LAT2: variants seen among roughly 807,000 people sequenced by gnomAD.
LAT2 encodes the protein linker for activation of T cells family member 2, also known as linker for activation of T-cells family member 2.
A neutral mutation model predicts 43.4 loss-of-function variants in LAT2; 23 were observed. The ratio of observed to expected loss-of-function variants is 0.53; its 90% CI spans 0.38 to 0.75. The LOEUF is 0.75. Among genes scored for constraint, LAT2 ranks in the 30% least tolerant of loss-of-function variants. The probability of loss-of-function intolerance (pLI) is 0.00; values close to 1 mark genes in which losing one functional copy is unlikely to be tolerated. For missense variants in LAT2, 284 were observed against 310.2 expected (o/e 0.92, Z 0.64); for synonymous variants, 128 against 123.2 (o/e 1.04, Z -0.26).
intron 11 of LAT2, 73 bp from the exon 12 acceptor site, chr7:74,223,945 C>T (rs556938978): frequency 2.6e-5 from 40 of 1,526,536 alleles, no homozygotes; most frequent in Admixed American, 5.6e-5. Flanking sequence ...CTACTATCCT[C>T]GGAGGCAGCT....
chr7:74,219,973 A>G lies in LAT2; in HGVS notation c.192A>G (p.Ala64=), dbSNP rs782747201. 3 of 1,613,640 alleles carry G rather than the reference A, an allele frequency of 1.9e-6. No individual in the cohort carries two copies. In the Admixed American group the frequency reaches 5.0e-5, roughly 27 times the overall value. The stretch of plus-strand genomic sequence containing the variant: ...TGCCCTTTGTAGTGGTCGGGCAGGC[A>G]TGGCCAGGACCCCTGGCGGACATGG... ...GSRTYSLVGQ[A]WPGPLADMAP... The change falls in exon 6 of 14, where the codon GCA becomes GCG. Residue 64 remains alanine, a synonymous_variant. Transcript: ENST00000460943.
At chr7:74,214,143 TATATATAAATATATATATGAAA>T (rs1801858859) in intron 1 of LAT2, among the ~76,000 whole-genome samples, 1 of 100,556 alleles carries the variant, frequency 9.9e-6, no homozygotes, top group African/African-American at 4.8e-5. Flanking sequence ...TATATGAAAA[TATATATAAATATATATATGAAA>T]ATATATATAT....
intron 1 of LAT2, among the ~76,000 whole-genome samples, chr7:74,213,216 T>C (rs946072512): frequency 6.6e-6 from 1 of 151,688 alleles, no homozygotes; most frequent in Non-Finnish European, 1.5e-5. Context: ...CCTCCTTGGT[T>C]CAAGCAATTC....
intron 4 of LAT2, among the ~76,000 whole-genome samples, chr7:74,219,512 C>G (rs1027359225): frequency 5.3e-5 from 8 of 152,218 alleles, no homozygotes; most frequent in Middle Eastern, 3.2e-3. Flanking sequence ...CGGGCTCCAG[C>G]CCAGGGCCCT....
Position 74,220,100 on chromosome 7 carries a change from G to C in LAT2, c.227+92G>C. ...GGTCAAGACCTCCCTCCCTCCCCGA[G>C]TCCCAGAGCTCCAGGGCTCAGCTAT... On this transcript the variant is annotated intron_variant, in intron 6 of 13. Transcript: ENST00000460943. This position sits in a 1 kb window ranked among gnomAD's most constrained non-coding sequence, Gnocchi z 4.5. 6.4e-7 allele frequency: 1 copy of C among 1,567,752 alleles called. No individual in the cohort carries two copies. Among genetic ancestry groups the C allele is most frequent in the Non-Finnish European group, 8.7e-7 (1 of 1,148,172 alleles).
In LAT2 at chr7:74,216,047, G is replaced by A; in HGVS notation, c.72G>A (p.Leu24=). ...TGCTGTTGGGGGTGGCAGCCAGTCT[G>A]TGTGTGCGCTGCTCACGCCCAGGTA... ...LLVLLGVAAS[L]CVRCSRPGAK... Residue 24 remains leucine (L), a synonymous_variant, in exon 3 of 14, where the codon CTG becomes CTA. Coordinates refer to ENST00000460943, the MANE Select transcript of LAT2 (RefSeq NM_032464.3). 6.2e-7 allele frequency: 1 copy of A among 1,613,162 alleles called. No individual in the cohort carries two copies. Among genetic ancestry groups the A allele is most frequent in the East Asian group, 2.2e-5 (1 of 44,872 alleles).
At chr7:74,218,186 G>A (rs1802112698) in intron 4 of LAT2, among the ~76,000 whole-genome samples, 1 of 152,184 alleles carries the variant, frequency 6.6e-6, no homozygotes. Flanking sequence ...CTCTCCATCT[G>A]TCACCTCGGT....
chr7:74,220,043 A>G lies in LAT2; in HGVS notation c.227+35A>G, dbSNP rs373386828. Reference sequence around the variant, plus strand: ...AGTCCCCCAGGAAGTGACAAGAATGAAAGTCCTGGAGGTCCTCACCTGGTG... The same window carrying G: ...AGTCCCCCAGGAAGTGACAAGAATGGAAGTCCTGGAGGTCCTCACCTGGTG... On this transcript the variant is annotated intron_variant, in intron 6 of 13. Transcript: ENST00000460943. This position sits in a 1 kb window ranked among gnomAD's most constrained non-coding sequence, Gnocchi z 4.5. The G allele has an allele frequency of 2.5e-5, 41 of 1,610,200 alleles. No individual in the cohort carries two copies. Among genetic ancestry groups the G allele is most frequent in the Non-Finnish European group, 3.3e-5 (39 of 1,178,006 alleles).
At chr7:74,210,403 CTCGG>C (rs1397466530) in intron 1 of LAT2, among the ~76,000 whole-genome samples, 8 of 152,312 alleles carry the variant, frequency 5.3e-5, no homozygotes, top group African/African-American at 1.9e-4. Flanking sequence ...GCCTGGGAGC[CTCGG>C]TTTCCTCATC....
rs782342619 is a variant in LAT2, at chr7:74,219,950, C to A, written c.179-10C>A. 1.2e-6 allele frequency: 2 copies of A among 1,613,404 alleles called. No individual in the cohort carries two copies. On this transcript the variant is annotated splice_polypyrimidine_tract_variant and intron_variant, in intron 5 of 13. Coordinates refer to ENST00000460943, the MANE Select transcript of LAT2 (RefSeq NM_032464.3). The stretch of plus-strand genomic sequence containing the variant: ...GGCCCAGCCAACACCCCACTTCTTG[C>A]CCTTTGTAGTGGTCGGGCAGGCATG...
At chr7:74,221,831 G>A in intron 10 of LAT2, 139 bp downstream of exon 10, 1 of 663,076 alleles carries the variant, frequency 1.5e-6, no homozygotes, top group Admixed American at 2.8e-5. Context: ...GAAGGAGGCT[G>A]GTGCTGCAGG....
intron 4 of LAT2, among the ~76,000 whole-genome samples, chr7:74,217,289 G>A (rs1282947757): frequency 1.3e-5 from 2 of 152,040 alleles, no homozygotes; most frequent in Admixed American, 1.3e-4. Context: ...AAATGAGCTG[G>A]GCGTGGTGGT....
chr7:74,211,582 C>T (rs781550550), intron 1 of LAT2, among the ~76,000 whole-genome samples: 9 of 152,046 alleles, frequency 5.9e-5, no homozygotes, highest in East Asian at 1.9e-4. Context: ...CTCAGCCTCC[C>T]GAGTAGCTGA....
At chr7:74,218,439 A>G (rs782577228) in intron 4 of LAT2, among the ~76,000 whole-genome samples, 2 of 152,196 alleles carry the variant, frequency 1.3e-5, no homozygotes, top group Non-Finnish European at 2.9e-5. Context: ...CCACTCCATT[A>G]TCTGTAATGG....
intron 3 of LAT2, among the ~76,000 whole-genome samples, chr7:74,216,504 T>C (rs1280858110): frequency 2.0e-5 from 3 of 152,154 alleles, no homozygotes; most frequent in African/African-American, 7.2e-5. Flanking sequence ...CCTGAGTAGC[T>C]GGGACTACAG....
chr7:74,211,135 C>T (rs1036877046), intron 1 of LAT2, among the ~76,000 whole-genome samples: 1 of 152,256 alleles, frequency 6.6e-6, no homozygotes, highest in Non-Finnish European at 1.5e-5. Context: ...CACTCCCCAC[C>T]CCGCCCAGCC....
At chr7:74,219,009 C>CTTTTTTTTTTT (rs781806954) in intron 4 of LAT2, among the ~76,000 whole-genome samples, 1 of 48,804 alleles carries the variant, frequency 2.0e-5, no homozygotes, top group Non-Finnish European at 3.9e-5. Flanking sequence ...AGAGTGTGTG[C>CTTTTTTTTTTT]TTTTTTTTTT....
In LAT2 at chr7:74,229,388, A is replaced by G. The variant is rs1554716533; in HGVS notation, c.*463A>G. 1 of 152,672 alleles carries G rather than the reference A, an allele frequency of 6.5e-6. No individual in the cohort carries two copies. The highest frequency in any genetic ancestry group is 2.4e-5 in the African/African-American group (1 of 41,460). 9.5% of individuals were successfully genotyped at this position (152,672 alleles called of 1,614,324 possible). A position where few individuals can be genotyped will look rare whatever the true frequency, so the allele number is the denominator to read the frequency against. ...AGTTAACTTATAGAGGGGGAGCCAT[A>G]TTTAACATTCTGGATTTCAGAGTAG... On this transcript the variant is annotated 3_prime_UTR_variant, in exon 14 of 14. Coordinates refer to ENST00000460943, the MANE Select transcript of LAT2 (RefSeq NM_032464.3).
chr7:74,218,681 A>C (rs142996042), intron 4 of LAT2, among the ~76,000 whole-genome samples: 167 of 152,276 alleles, frequency 1.1e-3, no homozygotes, highest in African/African-American at 3.8e-3. Flanking sequence ...GAAGGCTAGG[A>C]ATAGTCTATT....
Sources: gnomAD v4.1 joint callset for allele counts (sites outside exome capture counted in the v4.1 genomes callset) on GRCh38, gnomAD v4.1.1 for gene constraint, Gnocchi (gnomAD v3.1) non-coding constraint, MANE v1.5 for transcripts, NCBI Gene and HGNC (gene_info 2026-07-23, HGNC 2026-07-21) for gene names.